The following SRD5A2 variants were observed in gnomAD, a reference collection of about 807,000 sequenced individuals.
SRD5A2 encodes the protein 3-oxo-5-alpha-steroid 4-dehydrogenase 2.
A neutral mutation model predicts 27.4 loss-of-function variants in SRD5A2; 30 were observed. The ratio of observed to expected loss-of-function variants is 1.10; its 90% confidence interval spans 0.82 to 1.49. The LOEUF (loss-of-function observed/expected upper bound fraction) is 1.49. SRD5A2 is among the 40% of genes most tolerant of loss of function. The pLI is 0.00. For synonymous variants in SRD5A2, 141 were observed against 133.6 expected (o/e 1.06, Z -0.38); for missense variants, 348 against 323.4 (o/e 1.08, Z -0.58).
chr2:31,578,031 T>C (rs1263788990), intron 1 of SRD5A2, among the ~76,000 whole-genome samples: 1 of 152,158 alleles, frequency 6.6e-6, no homozygotes, highest in Non-Finnish European at 1.5e-5. Context: ...TGTGATAATG[T>C]TGGAAAATAC....
the SRD5A2 span, among the ~76,000 whole-genome samples, chr2:31,641,630 TA>T: frequency 6.6e-6 from 1 of 152,104 alleles, no homozygotes; most frequent in South Asian, 2.1e-4. Flanking sequence ...GAACACGTGG[TA>T]TTATTCCTAA....
the SRD5A2 span, among the ~76,000 whole-genome samples, chr2:31,617,735 C>A: frequency 6.6e-5 from 10 of 152,342 alleles, no homozygotes; most frequent in Middle Eastern, 3.4e-3. Flanking sequence ...CAGTTCCCAA[C>A]AAGCTCCTCA....
At chr2:31,590,640 G>C in the SRD5A2 span, among the ~76,000 whole-genome samples, 4 of 152,124 alleles carry the variant, frequency 2.6e-5, no homozygotes, top group Non-Finnish European at 4.4e-5. Context: ...TAAGCCAAAA[G>C]AACAAAGCTG....
chr2:31,653,600 C>T, the SRD5A2 span, among the ~76,000 whole-genome samples: 1 of 152,140 alleles, frequency 6.6e-6, no homozygotes, highest in Non-Finnish European at 1.5e-5. Flanking sequence ...AAGGTGTCAC[C>T]CTTTGTCCTC....
the SRD5A2 span, among the ~76,000 whole-genome samples, chr2:31,658,386 C>G: frequency 6.6e-6 from 1 of 151,856 alleles, no homozygotes; most frequent in African/African-American, 2.4e-5. Flanking sequence ...CAGAGCTGAC[C>G]TGAAGGGAAT....
chr2:31,559,326 C>G (rs749638370), intron 1 of SRD5A2, among the ~76,000 whole-genome samples: 1 of 152,124 alleles, frequency 6.6e-6, no homozygotes, highest in Non-Finnish European at 1.5e-5. Context: ...TGGTATCTTT[C>G]CAGACAAAGA....
intron 3 of SRD5A2, among the ~76,000 whole-genome samples, chr2:31,530,925 A>G (rs1665893972): frequency 6.6e-6 from 1 of 152,204 alleles, no homozygotes. Flanking sequence ...GTATATATGA[A>G]TGGCAGGAAA....
the SRD5A2 span, among the ~76,000 whole-genome samples, chr2:31,650,340 G>T: frequency 6.6e-6 from 1 of 152,108 alleles, no homozygotes; most frequent in Admixed American, 6.6e-5. Flanking sequence ...AATCCAGGAT[G>T]GGGGAAGTAA....
chr2:31,612,198 T>G, the SRD5A2 span, among the ~76,000 whole-genome samples: 1 of 151,946 alleles, frequency 6.6e-6, no homozygotes, highest in African/African-American at 2.4e-5. Context: ...TGAGAATCAC[T>G]TGGACCTAGG....
At chr2:31,619,738 T>C in the SRD5A2 span, among the ~76,000 whole-genome samples, 2 of 152,172 alleles carry the variant, frequency 1.3e-5, no homozygotes, top group Non-Finnish European at 2.9e-5. Flanking sequence ...GTACGTCTTT[T>C]TTTGAAAAGT....
At chr2:31,532,747 A>G (rs1052941579) in intron 2 of SRD5A2, among the ~76,000 whole-genome samples, 2 of 150,862 alleles carry the variant, frequency 1.3e-5, no homozygotes, top group African/African-American at 4.9e-5. Flanking sequence ...CACCTTGCCT[A>G]GTCAAAAGAT....
chr2:31,640,133 A>T, the SRD5A2 span, among the ~76,000 whole-genome samples: 1 of 148,068 alleles, frequency 6.8e-6, no homozygotes, highest in Non-Finnish European at 1.5e-5. Flanking sequence ...TGCTATTTAG[A>T]GCCTCTAAAG....
At chr2:31,657,093 G>C in the SRD5A2 span, among the ~76,000 whole-genome samples, 1 of 152,208 alleles carries the variant, frequency 6.6e-6, no homozygotes, top group African/African-American at 2.4e-5. Context: ...TAGTATCCTA[G>C]CTAGGATCCT....
At chr2:31,615,759 A>C in the SRD5A2 span, among the ~76,000 whole-genome samples, 1 of 152,206 alleles carries the variant, frequency 6.6e-6, no homozygotes, top group South Asian at 2.1e-4. Flanking sequence ...AAATGTCTCC[A>C]AGGCATGTCA....
the SRD5A2 span, among the ~76,000 whole-genome samples, chr2:31,650,149 C>A: frequency 6.6e-6 from 1 of 152,110 alleles, no homozygotes; most frequent in Non-Finnish European, 1.5e-5. Context: ...TTCTGAGGTA[C>A]AGCTATAAAG....
chr2:31,581,926 C>A (rs1023130973), upstream of SRD5A2, among the ~76,000 whole-genome samples: 2 of 152,186 alleles, frequency 1.3e-5, no homozygotes, highest in African/African-American at 4.8e-5. Flanking sequence ...GCCCCTCCGT[C>A]TTCTACCTCT....
chr2:31,542,075 G>A (rs1321558697), intron 1 of SRD5A2, among the ~76,000 whole-genome samples: 1 of 152,152 alleles, frequency 6.6e-6, no homozygotes, highest in Non-Finnish European at 1.5e-5. Context: ...GTGAACATTG[G>A]ACACCAGCCA....
upstream of SRD5A2, among the ~76,000 whole-genome samples, chr2:31,582,659 C>T (rs1283176730): frequency 6.6e-6 from 1 of 152,242 alleles, no homozygotes. Flanking sequence ...TTTAGCTCTG[C>T]GTTTTCTCCC....
the SRD5A2 span, among the ~76,000 whole-genome samples, chr2:31,588,646 A>C: frequency 6.6e-6 from 1 of 152,246 alleles, no homozygotes; most frequent in Non-Finnish European, 1.5e-5. Flanking sequence ...AATCAAAAAG[A>C]AAAGGACATT....
Sources: allele counts gnomAD v4.1 joint callset (sites outside exome capture counted in the v4.1 genomes callset), GRCh38; gene constraint gnomAD v4.1.1; transcripts MANE v1.5; gene names NCBI Gene and HGNC (gene_info 2026-07-23, HGNC 2026-07-21).